Variants in NLRP13 observed in about 807,000 individuals in gnomAD.
NLRP13 encodes the protein NACHT, LRR and PYD domains-containing protein 13.
Under a neutral mutation model 94.4 loss-of-function variants are expected in NLRP13, and 82 were observed. That is an observed-to-expected ratio of 0.87 (90% confidence interval 0.73 to 1.04). The LOEUF (loss-of-function observed/expected upper bound fraction) is 1.04, where lower values mean the gene tolerates loss of function less well. NLRP13 is among the 50% of genes least tolerant of loss of function. The pLI, the probability that NLRP13 is intolerant of heterozygous loss-of-function variation, is 0.00. For missense variants in NLRP13, 1,426 were observed against 1,230.8 expected, an observed-to-expected ratio of 1.16 and a Z score of -2.37; for synonymous variants, 553 against 464.7, an observed-to-expected ratio of 1.19 and a Z score of -2.45.
At chr19:55,894,496 C>T (rs1402633035), downstream of NLRP13, among the ~76,000 whole-genome samples, 3 of 152,192 alleles carry the variant, frequency 2.0e-5, no homozygotes, top group East Asian at 1.9e-4. Context: ...GTACATTCCA[C>T]CCTTCATCTC....
rs907783117 is a variant in NLRP13, at chr19:55,927,627, A to C, written c.320-2592T>G. On this transcript the variant is annotated intron_variant, in intron 1 of 10. Coordinates refer to ENST00000342929, the MANE Select transcript of NLRP13 (RefSeq NM_176810.2). ...ATACTGCTGGCCAGGCACCATGCTT[A>C]AACAATCATCCATAAACCACCAGGG... Among the ~76,000 whole-genome samples the C allele has an allele frequency of 3.9e-5, 6 of 152,098 alleles. No individual in the cohort carries two copies. The East Asian group carries it at 1.2e-3, about 29-fold the overall frequency.
chr19:55,932,250 A>C lies in NLRP13; in HGVS notation c.62T>G (p.Leu21Arg). The C allele has an allele frequency of 6.2e-7, 1 of 1,612,406 alleles. No homozygotes were observed. Among genetic ancestry groups the C allele is most frequent in the Non-Finnish European group, 8.5e-7 (1 of 1,179,560 alleles). The change falls in exon 1 of 11, where the codon CTG (leucine) becomes CGG (arginine). Residue 21 changes from leucine to arginine, a missense_variant. By Grantham distance (102) the Leu-to-Arg change is moderately radical (BLOSUM62 -2). Coordinates refer to ENST00000342929, the MANE Select transcript of NLRP13 (RefSeq NM_176810.2). ...GGTNQGLLPYLMALDQYQLEE... is the reference protein window; with the variant it reads ...GGTNQGLLPYRMALDQYQLEE... Reference sequence around the variant, plus strand: ...CAGCTGATACTGATCCAGGGCCATCAGGTAAGGCAGAAGCCCTTGGTTGGT... The same window carrying C: ...CAGCTGATACTGATCCAGGGCCATCCGGTAAGGCAGAAGCCCTTGGTTGGT...
rs71182931 is a variant in NLRP13 at position 55,906,337 on chromosome 19, CAAA to C, written c.2448-1228_2448-1226del. On this transcript the variant is annotated intron_variant, in intron 7 of 10. Transcript: ENST00000342929. ...TGGGTGACAGAGTGAGACTCCATCTCAAAAAAAAAAAAAAAAAGACAGATGATA... is the reference window on the plus strand; with the variant it reads ...TGGGTGACAGAGTGAGACTCCATCTCAAAAAAAAAAAAAAGACAGATGATA... 3.3e-5 allele frequency among the ~76,000 whole-genome samples: 2 copies of C among 60,980 alleles called. 1 individual carries two copies. The allele number at this position is 60,980 out of a possible 152,430, so 40.0% of individuals were successfully genotyped here. A position where few individuals can be genotyped will look rare whatever the true frequency, so the allele number is the denominator to read the frequency against.
At chr19:55,898,685 C>G in intron 10 of NLRP13, 85 bp downstream of exon 10, 1 of 1,373,550 alleles carries the variant, frequency 7.3e-7, no homozygotes, top group Non-Finnish European at 9.8e-7. Context: ...GCCTCACTTT[C>G]TAACCCCCGA....
intron 9 of NLRP13, among the ~76,000 whole-genome samples, chr19:55,900,795 A>G (rs1458267988): frequency 6.6e-6 from 1 of 151,876 alleles, no homozygotes; most frequent in African/African-American, 2.4e-5. Context: ...AAAAAAATCT[A>G]GAACCAGGAA....
chr19:55,924,460 G>C (rs1183659311), intron 3 of NLRP13, 130 bp downstream of exon 3: 5 of 677,910 alleles, frequency 7.4e-6, no homozygotes, highest in Non-Finnish European at 1.0e-5. Context: ...GGAAGAACTA[G>C]ATGGAAAGAG....
chr19:55,912,864 A>G lies in NLRP13; in HGVS notation c.953T>C (p.Ile318Thr), dbSNP rs371874380. 15 of 1,614,066 alleles carry G rather than the reference A, an allele frequency of 9.3e-6. No homozygotes were observed. The East Asian group carries it at 1.6e-4, about 17-fold the overall frequency. ...CAAGCTCTCAGAGCGTGACTCAGAT[A>G]TGATTATTTCCTCAAAGCCATCAAT... The part of the protein sequence containing the change: ...FIIDGFEEII[I>T]SESRSESLDD... Residue 318 changes from isoleucine to threonine, a missense_variant, in exon 5 of 11, where the codon ATA becomes ACA. Transcript: ENST00000342929.
Position 55,905,043 on chromosome 19 carries a change from G to T in NLRP13, c.2517C>A (p.His839Gln), listed in dbSNP as rs28506091. 3 of 1,613,540 alleles carry T rather than the reference G, an allele frequency of 1.9e-6. No homozygotes were observed. The highest frequency in any genetic ancestry group is 2.7e-5 in the African/African-American group (2 of 74,698). Reference sequence around the variant, plus strand: ...TAAATCCCAGGCACAATCGAGTTACGTGTTGGATGCTGGTGAGAAACAAGG... The same window carrying T: ...TAAATCCCAGGCACAATCGAGTTACTTGTTGGATGCTGGTGAGAAACAAGG... Reference protein sequence around the residue: ...DLALFLTSIQHVTRLCLGFNR... With the variant: ...DLALFLTSIQQVTRLCLGFNR... The change falls in exon 8 of 11, where the codon CAC (histidine) becomes CAA (glutamine). Residue 839 changes from histidine (H) to glutamine (Q), a missense_variant. By Grantham distance (24) the His-to-Gln change is conservative (BLOSUM62 0). Coordinates refer to ENST00000342929, the MANE Select transcript of NLRP13 (RefSeq NM_176810.2).
At chr19:55,899,486 T>C (rs999269444) in intron 9 of NLRP13, among the ~76,000 whole-genome samples, 1 of 147,534 alleles carries the variant, frequency 6.8e-6, no homozygotes, top group Non-Finnish European at 1.5e-5. Context: ...ACCCCCCCCA[T>C]CCCAAAAAGG....
intron 1 of NLRP13, among the ~76,000 whole-genome samples, chr19:55,926,861 A>C (rs1481975740): frequency 2.0e-5 from 3 of 152,224 alleles, no homozygotes; most frequent in Non-Finnish European, 4.4e-5. Flanking sequence ...ATAACTTTGA[A>C]AAGTATGAAT....
At chr19:55,908,008 CA>C in intron 6 of NLRP13, 52 bp from the exon 7 acceptor site, 1 of 1,531,052 alleles carries the variant, frequency 6.5e-7, no homozygotes, top group Non-Finnish European at 8.9e-7. Context: ...GACTGGTTTC[CA>C]GGATCCCGTC....
chr19:55,907,860 C>T lies in NLRP13; in HGVS notation c.2379G>A (p.Lys793=), dbSNP rs1568691570. The T allele has an allele frequency of 6.2e-7, 1 of 1,613,848 alleles. No individual in the cohort carries two copies. The highest frequency in any genetic ancestry group is 8.5e-7 in the Non-Finnish European group (1 of 1,179,904). The change falls in exon 7 of 11, where the codon AAG becomes AAA. Residue 793 remains lysine, a synonymous_variant. Coordinates refer to ENST00000342929, the MANE Select transcript of NLRP13 (RefSeq NM_176810.2). ...KLTHLNFSSN[K]LGMTVPLILK... Reference sequence around the variant, plus strand: ...GAATCAGGGGGACAGTCATTCCCAGCTTGTTAGAGCTGAAGTTCAGATGGG... The same window carrying T: ...GAATCAGGGGGACAGTCATTCCCAGTTTGTTAGAGCTGAAGTTCAGATGGG...
intron 4 of NLRP13, among the ~76,000 whole-genome samples, chr19:55,913,916 A>G (rs1397574773): frequency 6.6e-6 from 1 of 152,118 alleles, no homozygotes; most frequent in African/African-American, 2.4e-5. Flanking sequence ...CTCACCAGCT[A>G]TCAGGTTTTC....
chr19:55,920,653 G>A (rs936340228), intron 4 of NLRP13, among the ~76,000 whole-genome samples: 1 of 152,070 alleles, frequency 6.6e-6, no homozygotes, highest in African/African-American at 2.4e-5. Context: ...TACACTGTTG[G>A]TGTGAAAGTA....
intron 4 of NLRP13, among the ~76,000 whole-genome samples, chr19:55,921,648 A>T (rs1986829706): frequency 6.6e-6 from 1 of 152,232 alleles, no homozygotes; most frequent in South Asian, 2.1e-4. Context: ...AAAGAGATTA[A>T]GTTAAGGATC....
downstream of NLRP13, chr19:55,892,121 C>G (rs57574126): frequency 0.048 from 59,638 of 1,231,460 alleles, 3,983 homozygotes; most frequent in African/African-American, 0.32. Context: ...CTTTTTGAAG[C>G]CTGCAAAATA....
intron 2 of NLRP13, 118 bp downstream of exon 2, chr19:55,924,846 GTTT>G (rs1986929240): frequency 3.2e-6 from 3 of 948,818 alleles, no homozygotes; most frequent in Non-Finnish European, 3.3e-6. Flanking sequence ...TAGTTGGAAA[GTTT>G]TTAATTTTTT....
At chr19:55,926,208 C>A (rs1192236209) in intron 1 of NLRP13, among the ~76,000 whole-genome samples, 1 of 152,200 alleles carries the variant, frequency 6.6e-6, no homozygotes, top group Non-Finnish European at 1.5e-5. Flanking sequence ...TATCAGGCAT[C>A]ACCATCTGGA....
In NLRP13 at chr19:55,924,542, G is replaced by A. The variant is rs749332696; in HGVS notation, c.457+48C>T. The A allele has an allele frequency of 2.2e-5, 29 of 1,311,142 alleles. 1 individual carries two copies. The highest frequency in any genetic ancestry group is 1.8e-4 in the Middle Eastern group (1 of 5,490). The allele number at this position is 1,311,142 out of a possible 1,614,324, so 81.2% of individuals were successfully genotyped here. A position where few individuals can be genotyped will look rare whatever the true frequency, so the allele number is the denominator to read the frequency against. On this transcript the variant is annotated intron_variant, in intron 3 of 10. Coordinates refer to ENST00000342929, the MANE Select transcript of NLRP13 (RefSeq NM_176810.2). The stretch of plus-strand genomic sequence containing the variant: ...CAGCAAATGTGGACCAATGAAACGA[G>A]TGTTCCATCAAGCAACCTGTCAATT...
Sources: gnomAD v4.1 joint callset for allele counts (sites outside exome capture counted in the v4.1 genomes callset) on GRCh38, gnomAD v4.1.1 for gene constraint, MANE v1.5 for transcripts, NCBI Gene and HGNC (gene_info 2026-07-23, HGNC 2026-07-21) for gene names.